The following DISC1 variants were observed in gnomAD, a reference collection of about 807,000 sequenced individuals.
DISC1 encodes disrupted in schizophrenia 1 protein.
DISC1 carries 57 observed loss-of-function variants against 84.5 expected under a neutral mutation model. That is an observed-to-expected ratio of 0.67 (90% confidence interval 0.55 to 0.84). The LOEUF (loss-of-function observed/expected upper bound fraction) is 0.84, where lower values mean the gene tolerates loss of function less well. Ranked by LOEUF, DISC1 falls within the 40% of genes least tolerant of loss-of-function variation. The pLI, the probability that DISC1 is intolerant of heterozygous loss-of-function variation, is 0.00. For synonymous variants in DISC1, 411 were observed against 415.2 expected, an observed-to-expected ratio of 0.99 and a Z score of 0.12; for missense variants, 1,000 against 1,057.8, an observed-to-expected ratio of 0.95 and a Z score of 0.76.
At chr1:231,761,874 G>A (rs1340780597) in intron 4 of DISC1, among the ~76,000 whole-genome samples, 1 of 151,996 alleles carries the variant, frequency 6.6e-6, no homozygotes, top group African/African-American at 2.4e-5. Flanking sequence ...TGGGCACTGG[G>A]GCCCTCACCA....
At chr1:231,748,227 T>G (rs1357732838) in intron 3 of DISC1, among the ~76,000 whole-genome samples, 1 of 152,230 alleles carries the variant, frequency 6.6e-6, no homozygotes, top group Non-Finnish European at 1.5e-5. Flanking sequence ...TGTCTTTTAT[T>G]TCTCTCTCTT....
At chr1:231,833,265 T>G (rs1285527831) in intron 9 of DISC1, among the ~76,000 whole-genome samples, 1 of 151,072 alleles carries the variant, frequency 6.6e-6, no homozygotes, top group Non-Finnish European at 1.5e-5. Context: ...TTGGGGAGTT[T>G]TAAGAGGTTT....
In DISC1 at chr1:231,771,010, A is replaced by G; in HGVS notation, c.1574A>G (p.Asp525Gly). 1 of 1,612,724 alleles carries G rather than the reference A, an allele frequency of 6.2e-7. No homozygotes were observed. Among genetic ancestry groups the G allele is most frequent in the Admixed American group, 1.7e-5 (1 of 59,764 alleles). Residue 525 changes from aspartate to glycine, a missense_variant, in exon 6 of 13, where the codon GAC (aspartate) becomes GGC (glycine). Around this residue, in one of 3 missense-constraint regions of DISC1, gnomAD observed 311 missense variants for 400.1 expected, o/e 0.78. Coordinates refer to ENST00000439617, the MANE Select transcript of DISC1 (RefSeq NM_018662.3). ...QLQEVSKALQ[D>G]TLASAGQIPF... ...CAGGAGGTCAGCAAGGCCTTGCAGGACACCCTGGCCTCAGCCGGTCAGATT... is the reference window on the plus strand; with the variant it reads ...CAGGAGGTCAGCAAGGCCTTGCAGGGCACCCTGGCCTCAGCCGGTCAGATT...
intron 9 of DISC1, among the ~76,000 whole-genome samples, chr1:231,911,018 C>T (rs1437787441): frequency 6.6e-6 from 1 of 151,958 alleles, no homozygotes; most frequent in Non-Finnish European, 1.5e-5. Flanking sequence ...TTTTGTTTTC[C>T]ATTTGCTTGG....
intron 3 of DISC1, chr1:231,722,775 C>A: frequency 6.7e-7 from 1 of 1,482,604 alleles, no homozygotes; most frequent in South Asian, 1.4e-5. Context: ...AGGATAGCAG[C>A]TGTCTGGATG....
At chr1:231,634,659 T>C (rs940053200) in intron 1 of DISC1, among the ~76,000 whole-genome samples, 4 of 152,230 alleles carry the variant, frequency 2.6e-5, no homozygotes, top group African/African-American at 9.6e-5. Context: ...CATTAACTTA[T>C]CCATTAATTT....
chr1:231,865,844 A>G (rs1436989819), intron 9 of DISC1, among the ~76,000 whole-genome samples: 1 of 152,214 alleles, frequency 6.6e-6, no homozygotes, highest in African/African-American at 2.4e-5. Context: ...TTGGAGTTGG[A>G]TATTATCTCA....
At chr1:231,658,496 C>T (rs1239672161) in intron 1 of DISC1, among the ~76,000 whole-genome samples, 1 of 152,150 alleles carries the variant, frequency 6.6e-6, no homozygotes, top group African/African-American at 2.4e-5. Context: ...ATTGCCCTGG[C>T]CAGAACTTCC....
chr1:231,950,476 C>T (rs1337859222), intron 9 of DISC1, among the ~76,000 whole-genome samples: 2 of 152,186 alleles, frequency 1.3e-5, no homozygotes, highest in African/African-American at 4.8e-5. Flanking sequence ...AAAAGTTAGC[C>T]TGTCTTTCCA....
At chr1:231,808,720 G>T (rs1348006724) in intron 8 of DISC1, among the ~76,000 whole-genome samples, 1 of 152,198 alleles carries the variant, frequency 6.6e-6, no homozygotes, top group Admixed American at 6.5e-5. Context: ...ATATGTCTTT[G>T]TGGCTCTTGC....
At chr1:231,862,664 G>A (rs2084755186) in intron 9 of DISC1, among the ~76,000 whole-genome samples, 1 of 152,120 alleles carries the variant, frequency 6.6e-6, no homozygotes, top group African/African-American at 2.4e-5. Flanking sequence ...AGTGTCTCTG[G>A]CCATTTATTG....
At chr1:231,926,164 C>T (rs563207467) in intron 9 of DISC1, among the ~76,000 whole-genome samples, 3 of 152,108 alleles carry the variant, frequency 2.0e-5, no homozygotes, top group South Asian at 2.1e-4. Context: ...TCTCAGTTAA[C>T]GTACTGAAAA....
At position 232,039,448 on chromosome 1, in the gene DISC1, T is replaced by C. The variant is rs374570157; in HGVS notation, c.*2617T>C. On this transcript the variant is annotated 3_prime_UTR_variant, in exon 13 of 13. Coordinates refer to ENST00000439617, the MANE Select transcript of DISC1 (RefSeq NM_018662.3). ...AATAAGGGTTCTTTGGTACCTCTAGTAGATAGTGTGTTCATTTCCCTGCTG... is the reference window on the plus strand; with the variant it reads ...AATAAGGGTTCTTTGGTACCTCTAGCAGATAGTGTGTTCATTTCCCTGCTG... The C allele has an allele frequency of 2.8e-4, 43 of 152,306 alleles. No individual in the cohort carries two copies. Among genetic ancestry groups the C allele is most frequent in the African/African-American group, 1.0e-3 (43 of 41,570 alleles). The allele number at this position is 152,306 out of a possible 1,614,324, so 9.4% of individuals were successfully genotyped here. A position where few individuals can be genotyped will look rare whatever the true frequency, so the allele number is the denominator to read the frequency against.
At chr1:231,744,046 G>T (rs2073668831) in intron 3 of DISC1, among the ~76,000 whole-genome samples, 1 of 152,146 alleles carries the variant, frequency 6.6e-6, no homozygotes, top group Non-Finnish European at 1.5e-5. Flanking sequence ...CAAGCTTGTT[G>T]AAAAATGTGT....
chr1:231,773,577 G>A (rs957987656), intron 6 of DISC1, among the ~76,000 whole-genome samples: 2 of 152,046 alleles, frequency 1.3e-5, no homozygotes, highest in East Asian at 1.9e-4. Context: ...GTAGAGACAG[G>A]GTTTCACCAT....
rs148065829 is a variant in DISC1, at chr1:231,818,472, T to C, written c.1936T>C (p.Tyr646His). ...VKKLGSVKEDYNRLRREVEHQ... is the reference protein window; with the variant it reads ...VKKLGSVKEDHNRLRREVEHQ... ...AAAGCTGGGAAGTGTTAAAGAAGAT[T>C]ACAACAGACTGAGAAGAGAAGTGGA... Residue 646 changes from tyrosine (Y) to histidine (H), a missense_variant, in exon 9 of 13, where the codon TAC (tyrosine) becomes CAC (histidine). Around this residue, in one of 3 missense-constraint regions of DISC1, gnomAD observed 397 missense variants for 377.5 expected, o/e 1.05. Coordinates refer to ENST00000439617, the MANE Select transcript of DISC1 (RefSeq NM_018662.3). 21 of 1,614,022 alleles carry C rather than the reference T, an allele frequency of 1.3e-5. No individual in the cohort carries two copies. The African/African-American group carries it at 2.8e-4, about 22-fold the overall frequency.
intron 1 of DISC1, among the ~76,000 whole-genome samples, chr1:231,692,524 G>A (rs976210176): frequency 7.9e-5 from 12 of 152,212 alleles, no homozygotes; most frequent in Admixed American, 1.3e-4. Flanking sequence ...GATCCTTAAT[G>A]CCTAGTGATC....
chr1:231,952,678 C>CATATATATATGTTTATATATAT (rs1380983186), intron 9 of DISC1, among the ~76,000 whole-genome samples: 2 of 139,916 alleles, frequency 1.4e-5, no homozygotes, highest in Non-Finnish European at 3.0e-5. Context: ...TATTGTCTCT[C>CATATATATATGTTTATATATAT]ATATATATAT....
chr1:231,936,977 A>G (rs2091019106), intron 9 of DISC1, among the ~76,000 whole-genome samples: 1 of 152,208 alleles, frequency 6.6e-6, no homozygotes, highest in African/African-American at 2.4e-5. Context: ...TGACATATTT[A>G]TAACATGTCC....
Sources: allele counts gnomAD v4.1 joint callset (sites outside exome capture counted in the v4.1 genomes callset), GRCh38; gene constraint gnomAD v4.1.1; regional missense constraint gnomAD v4.1.1; transcripts MANE v1.5; gene names NCBI Gene and HGNC (gene_info 2026-07-23, HGNC 2026-07-21).